The following METTL3 variants were observed in gnomAD, a reference collection of about 807,000 sequenced individuals.
METTL3 encodes N(6)-adenosine-methyltransferase catalytic subunit METTL3.
METTL3 carries 42 observed loss-of-function variants against 64.3 expected under a neutral mutation model. The observed-to-expected ratio is 0.65, with a 90% confidence interval of 0.51 to 0.84. The LOEUF (loss-of-function observed/expected upper bound fraction) is 0.84, where lower values mean the gene tolerates loss of function less well. Among genes scored for constraint, METTL3 ranks in the 40% least tolerant of loss-of-function variants. The probability of loss-of-function intolerance (pLI) is 0.00; values close to 1 mark genes in which losing one functional copy is unlikely to be tolerated. For missense variants in METTL3, 435 were observed against 722.3 expected (o/e 0.60, Z 4.56); for synonymous variants, 256 against 263.6 (o/e 0.97, Z 0.28).
intron 10 of METTL3, 125 bp downstream of exon 10, chr14:21,498,900 T>G: frequency 1.5e-6 from 1 of 661,448 alleles, no homozygotes; most frequent in Non-Finnish European, 2.7e-6. Context: ...CAAGCTTAAG[T>G]GGCTTATGAA....
intron 3 of METTL3, 143 bp downstream of exon 3, chr14:21,503,030 G>T: frequency 1.1e-6 from 1 of 909,130 alleles, no homozygotes. Context: ...GACATTACCA[G>T]ATCCCCTGGG....
Position 21,509,470 on chromosome 14 carries a change from A to G in METTL3, c.100+1654T>C, listed in dbSNP as rs1891778312. On this transcript the variant is annotated intron_variant, in intron 1 of 10. Transcript: ENST00000298717. ...CACAGGAAAATTAAATAGGCTGGAT[A>G]TGGTGGCTCTCACCTGTAATTCAAA... The G allele has an allele frequency of 2.0e-5, 3 of 152,222 alleles. No individual in the cohort carries two copies. The South Asian group carries it at 6.2e-4, about 32-fold the overall frequency. 9.4% of individuals were successfully genotyped at this position (152,222 alleles called of 1,614,324 possible). A position where few individuals can be genotyped will look rare whatever the true frequency, so the allele number is the denominator to read the frequency against.
At chr14:21,499,002 A>T (rs1428172611) in intron 10 of METTL3, 23 bp downstream of exon 10, 1 of 1,521,058 alleles carries the variant, frequency 6.6e-7, no homozygotes, top group Admixed American at 1.7e-5. Context: ...CTTGAGGACT[A>T]GCCTGTTCTC....
At chr14:21,510,474 T>A (rs1891805846) in intron 1 of METTL3, 1 of 152,244 alleles carries the variant, frequency 6.6e-6, no homozygotes, top group Non-Finnish European at 1.5e-5. Context: ...AGGGAGTGGA[T>A]AACAGTGAAT....
chr14:21,509,009 CAAT>C (rs1246834292), intron 1 of METTL3, among the ~76,000 whole-genome samples: 3 of 152,070 alleles, frequency 2.0e-5, no homozygotes, highest in African/African-American at 4.8e-5. Context: ...ACAAAGTAGT[CAAT>C]GATGTAGTAC....
intron 5 of METTL3, 79 bp from the exon 6 acceptor site, chr14:21,500,761 T>A (rs1891545268): frequency 6.6e-7 from 1 of 1,506,418 alleles, no homozygotes; most frequent in South Asian, 1.3e-5. Context: ...TCCATTTGAT[T>A]TTTCCTATTC....
intron 1 of METTL3, chr14:21,504,750 G>T (rs1891656402): frequency 6.6e-6 from 1 of 151,260 alleles, no homozygotes; most frequent in Non-Finnish European, 1.5e-5. Context: ...GGCCAACATG[G>T]TGAAACCCCA....
chr14:21,506,274 C>T (rs1891694614), intron 1 of METTL3, among the ~76,000 whole-genome samples: 1 of 151,844 alleles, frequency 6.6e-6, no homozygotes, highest in Admixed American at 6.6e-5. Flanking sequence ...GGGTCTCGGC[C>T]GGGCGTGGTT....
In METTL3 at chr14:21,498,175, G is replaced by C; in HGVS notation, c.*83C>G. 1 of 814,584 alleles carries C rather than the reference G, an allele frequency of 1.2e-6. No homozygotes were observed. The highest frequency in any genetic ancestry group is 2.1e-6 in the Non-Finnish European group (1 of 484,148). 50.5% of individuals were successfully genotyped at this position (814,584 alleles called of 1,614,324 possible). A position where few individuals can be genotyped will look rare whatever the true frequency, so the allele number is the denominator to read the frequency against. ...TACAAATGTTTATTTAAATAAAGAA[G>C]AAAGCTATTGTACAAATATCACTCT... is the stretch of plus-strand genomic sequence containing the variant. On this transcript the variant is annotated 3_prime_UTR_variant, in exon 11 of 11. Transcript: ENST00000298717.
Position 21,503,893 on chromosome 14 carries a change from GA to G in METTL3, c.101-13del. On this transcript the variant is annotated splice_polypyrimidine_tract_variant and intron_variant, in intron 1 of 10. Transcript: ENST00000298717. Reference sequence around the variant, plus strand: ...TGGATTCCGTAGATCTAAGAATGAAGAGAAGTGAAAATGAAAAAAGGCAACC... The same window carrying G: ...TGGATTCCGTAGATCTAAGAATGAAGGAAGTGAAAATGAAAAAAGGCAACC... The G allele has an allele frequency of 6.2e-7, 1 of 1,611,650 alleles. No individual in the cohort carries two copies. The highest frequency in any genetic ancestry group is 8.5e-7 in the Non-Finnish European group (1 of 1,178,692).
At chr14:21,501,939 A>C in intron 3 of METTL3, 36 bp from the exon 4 acceptor site, 1 of 1,599,266 alleles carries the variant, frequency 6.3e-7, no homozygotes, top group Non-Finnish European at 8.6e-7. Context: ...AAAATGTCTT[A>C]TAGATCAAAT....
At chr14:21,500,842 C>A in intron 5 of METTL3, 71 bp downstream of exon 5, 1 of 1,490,956 alleles carries the variant, frequency 6.7e-7, no homozygotes, top group South Asian at 1.2e-5. Context: ...GCTCTGCTTT[C>A]TTAACGTGTA....
At position 21,503,809 on chromosome 14, in the gene METTL3, G is replaced by A; in HGVS notation, c.173C>T (p.Ser58Phe). The change falls in exon 2 of 11, where the codon TCT becomes TTT. Residue 58 changes from serine to phenylalanine, a missense_variant. Transcript: ENST00000298717. ...AGCTGTGCTGGGCTTAGGGCCACCA[G>A]AGGTGGGTGCAGTAGGCACTGGGCT... ...SDSPVPTAPTSGGPKPSTASA... is the reference protein window; with the variant it reads ...SDSPVPTAPTFGGPKPSTASA... The A allele has an allele frequency of 6.2e-7, 1 of 1,614,272 alleles. No individual in the cohort carries two copies. The highest frequency in any genetic ancestry group is 8.5e-7 in the Non-Finnish European group (1 of 1,180,050).
At chr14:21,509,323 G>A (rs1470031100) in intron 1 of METTL3, among the ~76,000 whole-genome samples, 1 of 152,224 alleles carries the variant, frequency 6.6e-6, no homozygotes. Context: ...CTGGGTGACA[G>A]AGGGAGACCC....
chr14:21,503,067 G>T (rs1891608484), intron 3 of METTL3, 106 bp downstream of exon 3: 5 of 1,268,166 alleles, frequency 3.9e-6, no homozygotes, highest in South Asian at 2.9e-5. Context: ...ATCATCCCCA[G>T]TTGAGAACCA....
intron 4 of METTL3, 94 bp from the exon 5 acceptor site, chr14:21,501,223 C>A: frequency 2.1e-6 from 2 of 954,432 alleles, no homozygotes; most frequent in South Asian, 1.7e-5. Flanking sequence ...ATTTTATTAC[C>A]CTCCCCTAAT....
chr14:21,502,003 A>G, intron 3 of METTL3, 100 bp from the exon 4 acceptor site: 2 of 828,712 alleles, frequency 2.4e-6, no homozygotes, highest in Non-Finnish European at 3.6e-6. Context: ...CTTCTAAGAG[A>G]TAAATCAACT....
At chr14:21,501,543 G>C in intron 4 of METTL3, 185 bp downstream of exon 4, 1 of 721,656 alleles carries the variant, frequency 1.4e-6, no homozygotes, top group Non-Finnish European at 2.2e-6. Context: ...CAGTTATTTG[G>C]GAGTACAGCC....
Position 21,499,017 on chromosome 14 carries a change from CA to C in METTL3, c.1631+7del. ...CTTGAGGACTAGCCTGTTCTCTGGT[CA>C]CCTTACCAGTTGGGTTGCACATTGT... On this transcript the variant is annotated splice_region_variant and intron_variant, in intron 10 of 10. Coordinates refer to ENST00000298717, the MANE Select transcript of METTL3 (RefSeq NM_019852.5). 2 of 1,600,258 alleles carry C rather than the reference CA, an allele frequency of 1.2e-6. No homozygotes were observed. Among genetic ancestry groups the C allele is most frequent in the Non-Finnish European group, 1.7e-6 (2 of 1,167,356 alleles).
Sources: allele counts gnomAD v4.1 joint callset (sites outside exome capture counted in the v4.1 genomes callset), GRCh38; gene constraint gnomAD v4.1.1; transcripts MANE v1.5; gene names NCBI Gene and HGNC (gene_info 2026-07-23, HGNC 2026-07-21).